TTC28: variants seen among roughly 807,000 people sequenced by gnomAD.
TTC28 encodes the protein tetratricopeptide repeat domain 28, also known as tetratricopeptide repeat protein 28.
In TTC28, 61 loss-of-function variants were observed where a neutral mutation model predicts 198.0. The ratio of observed to expected loss-of-function variants is 0.31; its 90% CI spans 0.25 to 0.38. TTC28 has a LOEUF of 0.38. Among genes scored for constraint, TTC28 ranks in the 10% least tolerant of loss-of-function variants. The pLI is 1.00. For synonymous variants in TTC28, 1,171 were observed against 1,297.8 expected (o/e 0.90, Z 2.10); for missense variants, 2,678 against 3,164.0 (o/e 0.85, Z 3.69).
Position 28,105,754 on chromosome 22 carries a change from G to C in TTC28, c.2832C>G (p.Leu944=), listed in dbSNP as rs762741417. The change falls in exon 8 of 23, where the codon CTC becomes CTG. Residue 944 remains leucine (L), a synonymous_variant. Transcript: ENST00000397906. ...CCTCTCCAAGTTCATGAGCAACCAC[G>C]AGCCTCTTTTCAAAGCACACAAGGG... ...QQALVCFEKR[L]VVAHELGEAF... is the part of the protein sequence containing the mutation. 2 of 1,551,526 alleles carry C rather than the reference G, an allele frequency of 1.3e-6. No individual in the cohort carries two copies. Among genetic ancestry groups the C allele is most frequent in the Non-Finnish European group, 1.7e-6 (2 of 1,146,986 alleles).
chr22:28,046,251 C>G (rs1425953432), intron 12 of TTC28, among the ~76,000 whole-genome samples: 1 of 152,180 alleles, frequency 6.6e-6, no homozygotes, highest in Non-Finnish European at 1.5e-5. Flanking sequence ...CATTTAATAA[C>G]AGGAACATGT....
intron 2 of TTC28, among the ~76,000 whole-genome samples, chr22:28,422,696 C>T (rs1008684564): frequency 1.3e-5 from 2 of 152,038 alleles, no homozygotes; most frequent in African/African-American, 4.8e-5. Context: ...TCACCCACCT[C>T]GGCCTCCCAA....
chr22:28,013,756 A>G (rs969835134), intron 14 of TTC28, among the ~76,000 whole-genome samples: 22 of 151,974 alleles, frequency 1.4e-4, no homozygotes, highest in Non-Finnish European at 2.9e-5. Flanking sequence ...CACATCCCCG[A>G]GGCGTCTGCT....
At chr22:27,992,076 G>A (rs1262234513) in intron 19 of TTC28, among the ~76,000 whole-genome samples, 1 of 152,210 alleles carries the variant, frequency 6.6e-6, no homozygotes, top group Non-Finnish European at 1.5e-5. Context: ...AGCTGAAAAA[G>A]TGGGTGGTGA....
chr22:28,537,250 G>A (rs1340804294), intron 2 of TTC28, among the ~76,000 whole-genome samples: 4 of 140,438 alleles, frequency 2.8e-5, no homozygotes, highest in African/African-American at 1.0e-4. Context: ...TCGAGATTGC[G>A]CCACTGCACT....
intron 6 of TTC28, among the ~76,000 whole-genome samples, chr22:28,148,737 T>C (rs1943537478): frequency 6.6e-6 from 1 of 152,102 alleles, no homozygotes; most frequent in Admixed American, 6.5e-5. Context: ...CCAATGAGAA[T>C]GTCAAGGTAT....
At position 28,563,145 on chromosome 22, in the gene TTC28, G is replaced by A. The variant is rs370333638; in HGVS notation, c.381+66407C>T. 5.6e-4 allele frequency among the ~76,000 whole-genome samples: 85 copies of A among 151,824 alleles called. No individual in the cohort carries two copies. The South Asian group carries it at 0.014, about 24-fold the overall frequency. ...CTCAAAATAATAAGAAGAAGAATAA[G>A]ATAGAAAAAATATACAAAAAATAGA... On this transcript the variant is annotated intron_variant, in intron 2 of 22. Transcript: ENST00000397906.
At chr22:28,086,101 C>T (rs572419518) in intron 12 of TTC28, among the ~76,000 whole-genome samples, 2,102 of 152,152 alleles carry the variant, frequency 0.014, 66 homozygotes, top group African/African-American at 0.049. Context: ...TTAGACAGAT[C>T]AACGAGACAG....
intron 3 of TTC28, among the ~76,000 whole-genome samples, chr22:28,303,575 C>T (rs1198424040): frequency 3.3e-5 from 5 of 152,008 alleles, no homozygotes; most frequent in Non-Finnish European, 7.4e-5. Context: ...ACAAATATAA[C>T]GTATTTATAT....
intron 2 of TTC28, among the ~76,000 whole-genome samples, chr22:28,554,583 A>G (rs1435182127): frequency 6.6e-6 from 1 of 152,204 alleles, no homozygotes; most frequent in East Asian, 1.9e-4. Context: ...AGAAATAATC[A>G]GCAGAGGTCT....
chr22:28,086,295 G>A (rs1941595259), intron 12 of TTC28, among the ~76,000 whole-genome samples: 2 of 152,024 alleles, frequency 1.3e-5, no homozygotes, highest in Non-Finnish European at 2.9e-5. Context: ...TAAAAGATGA[G>A]ACATTATAAC....
At chr22:28,424,332 C>G (rs550458328) in intron 2 of TTC28, among the ~76,000 whole-genome samples, 61 of 152,276 alleles carry the variant, frequency 4.0e-4, no homozygotes, top group Non-Finnish European at 6.5e-4. Context: ...CTACTCCTCT[C>G]CATGGGGCAA....
At chr22:28,036,169 C>T (rs1015982144) in intron 12 of TTC28, among the ~76,000 whole-genome samples, 1 of 152,124 alleles carries the variant, frequency 6.6e-6, no homozygotes, top group African/African-American at 2.4e-5. Flanking sequence ...ACTCTCCACC[C>T]CAAATCAACA....
intron 2 of TTC28, among the ~76,000 whole-genome samples, chr22:28,507,359 G>T (rs2048627121): frequency 6.6e-6 from 1 of 152,070 alleles, no homozygotes. Context: ...GACAAGAACA[G>T]AGAAAAAAGA....
At chr22:28,356,722 A>G (rs2046082418) in intron 2 of TTC28, among the ~76,000 whole-genome samples, 3 of 151,886 alleles carry the variant, frequency 2.0e-5, no homozygotes, top group Admixed American at 2.0e-4. Flanking sequence ...GTAGTCACTG[A>G]GGTAGGCACA....
At chr22:28,648,286 C>A (rs1389822208) in intron 1 of TTC28, among the ~76,000 whole-genome samples, 1 of 147,350 alleles carries the variant, frequency 6.8e-6, no homozygotes, top group Non-Finnish European at 1.5e-5. Flanking sequence ...ATTAAAACCA[C>A]AATGAGACAC....
chr22:28,292,638 C>G (rs1430147363), intron 5 of TTC28, among the ~76,000 whole-genome samples: 1 of 152,208 alleles, frequency 6.6e-6, no homozygotes, highest in Non-Finnish European at 1.5e-5. Flanking sequence ...CAAAACATGA[C>G]TGATATGCTA....
At chr22:28,338,689 T>C (rs2045775074) in intron 2 of TTC28, among the ~76,000 whole-genome samples, 1 of 152,232 alleles carries the variant, frequency 6.6e-6, no homozygotes, top group Admixed American at 6.5e-5. Flanking sequence ...TTCAGCTCCA[T>C]CAGGTCCTTT....
At chr22:28,548,903 A>T (rs1256193116) in intron 2 of TTC28, among the ~76,000 whole-genome samples, 2 of 152,174 alleles carry the variant, frequency 1.3e-5, no homozygotes. Context: ...CACATTCTTT[A>T]AGAGGACTTC....
Sources: allele counts gnomAD v4.1 joint callset (sites outside exome capture counted in the v4.1 genomes callset), GRCh38; gene constraint gnomAD v4.1.1; transcripts MANE v1.5; gene names NCBI Gene and HGNC (gene_info 2026-07-23, HGNC 2026-07-21).